The following CCDC191 variants were observed in gnomAD, a reference collection of about 807,000 sequenced individuals.
The protein encoded by CCDC191 is coiled-coil domain-containing protein 191.
In CCDC191, 99 loss-of-function variants were observed where a neutral mutation model predicts 114.0. The observed-to-expected ratio is 0.87, with a 90% CI of 0.74 to 1.03. CCDC191 has a LOEUF of 1.03. Among genes scored for constraint, CCDC191 ranks in the 50% least tolerant of loss-of-function variants. The pLI, the probability that CCDC191 is intolerant of heterozygous loss-of-function variation, is 0.00. For synonymous variants in CCDC191, 351 were observed against 376.0 expected (o/e 0.93, Z 0.77); for missense variants, 973 against 1,087.0 (o/e 0.90, Z 1.47).
intron 7 of CCDC191, among the ~76,000 whole-genome samples, chr3:114,022,200 G>T (rs915536631): frequency 6.6e-6 from 1 of 152,150 alleles, no homozygotes; most frequent in South Asian, 2.1e-4. Flanking sequence ...ATGACAGCTC[G>T]CTCTGCTAAA....
At chr3:113,978,362 C>A (rs748659649) in intron 15 of CCDC191, 31 bp from the exon 16 acceptor site, 5 of 1,603,426 alleles carry the variant, frequency 3.1e-6, no homozygotes. Flanking sequence ...AAAAGTGAGA[C>A]AAAAAATATC....
At chr3:114,031,806 G>A (rs1344296162) in intron 6 of CCDC191, 27 bp from the exon 7 acceptor site, 2 of 996,460 alleles carry the variant, frequency 2.0e-6, no homozygotes, top group Admixed American at 2.3e-5. Flanking sequence ...AAAAATACAT[G>A]TATATTTACA....
intron 1 of CCDC191, among the ~76,000 whole-genome samples, chr3:114,054,446 T>TACGGTGA (rs1157414570): frequency 6.6e-6 from 1 of 152,130 alleles, no homozygotes; most frequent in East Asian, 1.9e-4. Flanking sequence ...TCCTGGCTAA[T>TACGGTGA]ACGGTGAAAC....
chr3:113,969,607 C>T (rs1225180294), intron 16 of CCDC191, among the ~76,000 whole-genome samples: 1 of 152,112 alleles, frequency 6.6e-6, no homozygotes, highest in Non-Finnish European at 1.5e-5. Context: ...AAAAGAGTGT[C>T]CTTTCCCCAT....
chr3:114,019,507 G>A (rs1280748660), intron 7 of CCDC191, among the ~76,000 whole-genome samples: 1 of 152,120 alleles, frequency 6.6e-6, no homozygotes, highest in Non-Finnish European at 1.5e-5. Flanking sequence ...TGTCCCCAAA[G>A]CAGTACTTAA....
chr3:114,016,550 G>C (rs750003029), intron 8 of CCDC191, among the ~76,000 whole-genome samples: 9 of 152,002 alleles, frequency 5.9e-5, no homozygotes, highest in Non-Finnish European at 1.3e-4. Flanking sequence ...AAAAATTATT[G>C]TAAGTTAAAT....
intron 13 of CCDC191, among the ~76,000 whole-genome samples, chr3:113,998,293 T>G (rs1577382692): frequency 1.8e-5 from 2 of 108,450 alleles, no homozygotes; most frequent in Admixed American, 1.2e-4. Flanking sequence ...GCAACAAGAG[T>G]GAAACTCTGC....
chr3:114,042,840 T>C lies in CCDC191; in HGVS notation c.278A>G (p.Glu93Gly). 1 of 1,591,244 alleles carries C rather than the reference T, an allele frequency of 6.3e-7. No homozygotes were observed. The highest frequency in any genetic ancestry group is 8.5e-7 in the Non-Finnish European group (1 of 1,173,148). Residue 93 changes from glutamate (E) to glycine (G), a missense_variant, in exon 4 of 17, where the codon GAG (glutamate) becomes GGG (glycine). Coordinates refer to ENST00000295878, the MANE Select transcript of CCDC191 (RefSeq NM_020817.2). ...GGTGTCTAACCAGTCATTGACCAGC[T>C]CCTGAGCTACAATAAAACAAAAACA... Reference protein sequence around the residue: ...DHDEIYAEAQELVNDWLDTKL... With the variant: ...DHDEIYAEAQGLVNDWLDTKL...
At chr3:114,047,646 A>G (rs2076647300) in intron 2 of CCDC191, among the ~76,000 whole-genome samples, 1 of 152,164 alleles carries the variant, frequency 6.6e-6, no homozygotes, top group South Asian at 2.1e-4. Flanking sequence ...CCTGGGTGAC[A>G]AAGTGAGACT....
At chr3:113,992,677 T>C (rs1457848977) in intron 13 of CCDC191, among the ~76,000 whole-genome samples, 1 of 152,086 alleles carries the variant, frequency 6.6e-6, no homozygotes, top group Non-Finnish European at 1.5e-5. Context: ...TGTATACATA[T>C]GTAACAAACC....
intron 7 of CCDC191, among the ~76,000 whole-genome samples, chr3:114,023,083 C>T (rs1222359137): frequency 6.6e-6 from 1 of 152,186 alleles, no homozygotes; most frequent in African/African-American, 2.4e-5. Context: ...AGAGCCAAAT[C>T]ATGAGTGAAC....
intron 8 of CCDC191, 114 bp from the exon 9 acceptor site, chr3:114,011,135 C>T (rs1010700741): frequency 2.3e-5 from 27 of 1,163,008 alleles, no homozygotes; most frequent in Middle Eastern, 2.2e-4. Flanking sequence ...TCTTAGCTCT[C>T]GCTTAACATT....
chr3:114,026,218 T>C (rs1419756474), intron 7 of CCDC191, among the ~76,000 whole-genome samples: 14 of 152,238 alleles, frequency 9.2e-5, no homozygotes, highest in Admixed American at 9.2e-4. Context: ...TGGCCCTCAC[T>C]GTCACCTCTG....
intron 10 of CCDC191, 123 bp from the exon 11 acceptor site, chr3:114,004,869 A>G: frequency 9.9e-7 from 1 of 1,005,036 alleles, no homozygotes; most frequent in Non-Finnish European, 1.4e-6. Flanking sequence ...AGATAACTAC[A>G]TATTATATCC....
At chr3:113,994,989 T>A (rs2075680774) in intron 13 of CCDC191, among the ~76,000 whole-genome samples, 1 of 152,204 alleles carries the variant, frequency 6.6e-6, no homozygotes. Flanking sequence ...ATAACTTGCA[T>A]ATGCAGATGA....
intron 13 of CCDC191, among the ~76,000 whole-genome samples, chr3:113,990,930 TCA>T (rs2075536303): frequency 2.8e-5 from 1 of 35,148 alleles, no homozygotes; most frequent in African/African-American, 1.2e-4. Context: ...ATAAAGCACC[TCA>T]AAAAAAAAAA....
chr3:113,976,679 C>G (rs1042910298), intron 16 of CCDC191, among the ~76,000 whole-genome samples: 18 of 151,392 alleles, frequency 1.2e-4, no homozygotes, highest in African/African-American at 4.4e-4. Context: ...TTGGGCCAAG[C>G]AGTGCATTGA....
At chr3:113,992,878 C>A (rs2075614092) in intron 13 of CCDC191, among the ~76,000 whole-genome samples, 1 of 152,098 alleles carries the variant, frequency 6.6e-6, no homozygotes, top group South Asian at 2.1e-4. Context: ...GCCAACATAC[C>A]TGATGAACAT....
intron 11 of CCDC191, 142 bp downstream of exon 11, chr3:114,004,495 T>A: frequency 1.4e-6 from 2 of 1,439,910 alleles, no homozygotes; most frequent in Non-Finnish European, 1.8e-6. Context: ...ACTCCTCACA[T>A]GTCTACCATT....
Sources: allele counts gnomAD v4.1 joint callset (sites outside exome capture counted in the v4.1 genomes callset), GRCh38; gene constraint gnomAD v4.1.1; transcripts MANE v1.5; gene names NCBI Gene and HGNC (gene_info 2026-07-23, HGNC 2026-07-21).